LHFPL3: variants seen among roughly 807,000 people sequenced by gnomAD.
LHFPL3 encodes LHFPL tetraspan subfamily member 3 protein.
In LHFPL3, 5 loss-of-function variants were observed where a neutral mutation model predicts 19.3. That is an observed-to-expected ratio of 0.26 (90% CI 0.14 to 0.54). The LOEUF (loss-of-function observed/expected upper bound fraction) is 0.54. Ranked by LOEUF, LHFPL3 falls within the 20% of genes least tolerant of loss-of-function variation. The pLI is 0.94. For synonymous variants in LHFPL3, 133 were observed against 126.2 expected, an observed-to-expected ratio of 1.05 and a Z score of -0.36; for missense variants, 249 against 307.4, an observed-to-expected ratio of 0.81 and a Z score of 1.42.
chr7:104,388,343 A>C (rs1790991360), intron 1 of LHFPL3, among the ~76,000 whole-genome samples: 1 of 152,138 alleles, frequency 6.6e-6, no homozygotes, highest in South Asian at 2.1e-4. Context: ...CTGTTTTAAG[A>C]GAGAATCTTG....
chr7:104,468,867 G>A (rs571932869), intron 1 of LHFPL3, among the ~76,000 whole-genome samples: 1 of 152,134 alleles, frequency 6.6e-6, no homozygotes, highest in Admixed American at 6.6e-5. Context: ...CACCATGTTG[G>A]CCAGGCTGGT....
At chr7:104,762,931 CT>C (rs977861151) in intron 2 of LHFPL3, among the ~76,000 whole-genome samples, 4 of 152,194 alleles carry the variant, frequency 2.6e-5, no homozygotes, top group African/African-American at 9.6e-5. Context: ...GCTCTGCAGT[CT>C]GCCCCAGAAC....
intron 1 of LHFPL3, among the ~76,000 whole-genome samples, chr7:104,373,209 G>GCA (rs1214438733): frequency 1.3e-5 from 2 of 151,998 alleles, no homozygotes; most frequent in East Asian, 1.9e-4. Context: ...GTATCCCTTT[G>GCA]GTATATTCTG....
chr7:104,666,647 A>AAGTAGCTGGGACTAC (rs1792357923), intron 1 of LHFPL3, among the ~76,000 whole-genome samples: 1 of 141,402 alleles, frequency 7.1e-6, no homozygotes, highest in Non-Finnish European at 1.5e-5. Flanking sequence ...TCAGCCTCCC[A>AAGTAGCTGGGACTAC]AGTAGCTGGG....
rs1050381510 is a variant in LHFPL3, at chr7:104,878,250, G to A, written c.683-27937G>A. Among the ~76,000 whole-genome samples, 8 of 145,084 alleles carry A rather than the reference G, an allele frequency of 5.5e-5. No individual in the cohort carries two copies. In the South Asian group the frequency reaches 8.9e-4, roughly 16 times the overall value. On this transcript the variant is annotated intron_variant, in intron 2 of 2. Coordinates refer to ENST00000424859, the MANE Select transcript of LHFPL3 (RefSeq NM_199000.3). ...CATATTTATTGCAGTTCACTTTATC[G>A]TGCTTTACAAATATTGCTTTTTTTT...
At chr7:104,904,527 T>C (rs1190144723) in intron 2 of LHFPL3, among the ~76,000 whole-genome samples, 2 of 152,184 alleles carry the variant, frequency 1.3e-5, no homozygotes, top group African/African-American at 4.8e-5. Context: ...GGCACATGAC[T>C]GTAATCCCAG....
intron 1 of LHFPL3, among the ~76,000 whole-genome samples, chr7:104,496,844 A>G (rs549198160): frequency 1.3e-5 from 2 of 152,286 alleles, no homozygotes; most frequent in African/African-American, 4.8e-5. Context: ...ATGTGAATGG[A>G]AAGTATTTGT....
At chr7:104,523,505 A>C (rs1251115336) in intron 1 of LHFPL3, among the ~76,000 whole-genome samples, 1 of 152,208 alleles carries the variant, frequency 6.6e-6, no homozygotes, top group Non-Finnish European at 1.5e-5. Context: ...CTCATTAACC[A>C]AAGCTGATCA....
chr7:104,422,821 C>T (rs763881664), intron 1 of LHFPL3, among the ~76,000 whole-genome samples: 17 of 152,174 alleles, frequency 1.1e-4, no homozygotes, highest in Admixed American at 6.5e-5. Context: ...CTGGTGGTGA[C>T]GGTGATGTAA....
chr7:104,387,488 C>T (rs1436533562), intron 1 of LHFPL3, among the ~76,000 whole-genome samples: 1 of 152,064 alleles, frequency 6.6e-6, no homozygotes, highest in African/African-American at 2.4e-5. Flanking sequence ...GGAGGAATTT[C>T]ATTCAGGATT....
chr7:104,519,317 A>G (rs1584375909), intron 1 of LHFPL3, among the ~76,000 whole-genome samples: 1 of 152,292 alleles, frequency 6.6e-6, no homozygotes, highest in East Asian at 1.9e-4. Context: ...CTCTGGCTGA[A>G]GGTGATACAG....
At chr7:104,782,761 G>A (rs1179527082) in intron 2 of LHFPL3, among the ~76,000 whole-genome samples, 6 of 152,204 alleles carry the variant, frequency 3.9e-5, no homozygotes, top group Non-Finnish European at 5.9e-5. Flanking sequence ...GTCCCTTGCT[G>A]ATACCTCCAC....
chr7:104,445,423 T>A (rs1441733782), intron 1 of LHFPL3, among the ~76,000 whole-genome samples: 1 of 152,158 alleles, frequency 6.6e-6, no homozygotes, highest in Non-Finnish European at 1.5e-5. Flanking sequence ...TACATGGGGA[T>A]ATTAAGAGTG....
chr7:104,535,625 C>G (rs1794376412), intron 1 of LHFPL3, among the ~76,000 whole-genome samples: 1 of 152,132 alleles, frequency 6.6e-6, no homozygotes, highest in Non-Finnish European at 1.5e-5. Flanking sequence ...ACCTAAATTT[C>G]AGGCACAGAA....
chr7:104,718,753 T>C (rs139735938), intron 1 of LHFPL3, among the ~76,000 whole-genome samples: 1 of 152,164 alleles, frequency 6.6e-6, no homozygotes, highest in Non-Finnish European at 1.5e-5. Flanking sequence ...TCAAAATGAA[T>C]AAGCTAAATA....
chr7:104,547,271 GAAAT>G (rs796656339), intron 1 of LHFPL3, among the ~76,000 whole-genome samples: 1 of 110,586 alleles, frequency 9.0e-6, no homozygotes, highest in African/African-American at 3.1e-5. Context: ...AAAAAAAAAA[GAAAT>G]AGTAGCTCAA....
At chr7:104,597,511 T>A (rs1790886299) in intron 1 of LHFPL3, among the ~76,000 whole-genome samples, 1 of 152,164 alleles carries the variant, frequency 6.6e-6, no homozygotes, top group Admixed American at 6.5e-5. Context: ...ATATTATACA[T>A]CTCTACTTTA....
intron 1 of LHFPL3, among the ~76,000 whole-genome samples, chr7:104,495,493 C>T (rs571132162): frequency 1.1e-4 from 17 of 152,228 alleles, no homozygotes; most frequent in Non-Finnish European, 1.9e-4. Context: ...ACGCCATTCT[C>T]CTGCCTCAGC....
intron 1 of LHFPL3, among the ~76,000 whole-genome samples, chr7:104,386,817 A>C (rs578236152): frequency 2.0e-4 from 30 of 152,298 alleles, no homozygotes; most frequent in Non-Finnish European, 4.0e-4. Flanking sequence ...TATTTCAAGA[A>C]AGCCACTAAA....
Sources: allele counts gnomAD v4.1 joint callset (sites outside exome capture counted in the v4.1 genomes callset), GRCh38; gene constraint gnomAD v4.1.1; transcripts MANE v1.5; gene names NCBI Gene and HGNC (gene_info 2026-07-23, HGNC 2026-07-21).